Variants in MECOM observed in about 807,000 individuals in gnomAD.
The protein encoded by MECOM is MDS1 and EVI1 complex locus.
Under a neutral mutation model 116.3 loss-of-function variants are expected in MECOM, and 13 were observed. The ratio of observed to expected loss-of-function variants is 0.11; its 90% CI spans 0.07 to 0.18. MECOM has a LOEUF of 0.18. MECOM is among the 10% of genes least tolerant of loss of function. MECOM has a pLI of 1.00. For synonymous variants in MECOM, 528 were observed against 535.2 expected (o/e 0.99, Z 0.19); for missense variants, 1,299 against 1,509.0 (o/e 0.86, Z 2.31).
In MECOM at chr3:169,485,242, G is replaced by A. The variant is rs190466402; in HGVS notation, c.38-103718C>T. Among the ~76,000 whole-genome samples, 26 of 152,172 alleles carry A rather than the reference G, an allele frequency of 1.7e-4. No individual in the cohort carries two copies. The East Asian group carries it at 2.3e-3, about 14-fold the overall frequency. On this transcript the variant is annotated intron_variant, in intron 1 of 16. Transcript: ENST00000651503. ...ACTCCTGACCTCAGGTGATCTAACC[G>A]CCTCGGCCTCCCAAAGTGCTAGGAT...
chr3:169,662,748 C>A (rs1204233066), intron 1 of MECOM, among the ~76,000 whole-genome samples: 1 of 152,082 alleles, frequency 6.6e-6, no homozygotes, highest in Non-Finnish European at 1.5e-5. Flanking sequence ...GCGGCCGCCT[C>A]GCAACTTTTC....
chr3:169,401,361 A>G (rs893597211), intron 1 of MECOM, among the ~76,000 whole-genome samples: 2 of 151,584 alleles, frequency 1.3e-5, no homozygotes, highest in Non-Finnish European at 1.5e-5. Flanking sequence ...GGGCTAAGGT[A>G]AAATCATCTC....
rs1716930960 is a variant in MECOM, at chr3:169,084,015, T to G, written c.*894A>C. The G allele has an allele frequency of 4.3e-6, 1 of 230,596 alleles. No homozygotes were observed. Among genetic ancestry groups the G allele is most frequent in the Non-Finnish European group, 8.6e-6 (1 of 116,446 alleles). 14.3% of individuals were successfully genotyped at this position (230,596 alleles called of 1,614,324 possible). ...TCATACACAGGTCGGGTCACCTTGG[T>G]CCTTGAAATTCGGAAAGGGGTGTGC... is the stretch of plus-strand genomic sequence containing the variant. On this transcript the variant is annotated 3_prime_UTR_variant, in exon 17 of 17. Transcript: ENST00000651503.
intron 2 of MECOM, among the ~76,000 whole-genome samples, chr3:169,212,769 C>T (rs1206185965): frequency 6.7e-6 from 1 of 149,578 alleles, no homozygotes; most frequent in Non-Finnish European, 1.5e-5. Context: ...AATCTAATTG[C>T]TCTTACTATG....
intron 1 of MECOM, among the ~76,000 whole-genome samples, chr3:169,654,146 T>C (rs7636969): frequency 0.2 from 30,263 of 152,174 alleles, 6,118 homozygotes; most frequent in African/African-American, 0.52. Flanking sequence ...GACTACAGTA[T>C]TGAGTTAGAT....
chr3:169,313,596 G>A (rs1187549592), intron 2 of MECOM, among the ~76,000 whole-genome samples: 1 of 152,168 alleles, frequency 6.6e-6, no homozygotes, highest in Non-Finnish European at 1.5e-5. Flanking sequence ...AATAAGAGGG[G>A]ACAGATACAG....
intron 9 of MECOM, 135 bp from the exon 10 acceptor site, chr3:169,108,087 A>G (rs1726050959): frequency 3.4e-6 from 2 of 584,622 alleles, no homozygotes; most frequent in East Asian, 6.0e-5. Context: ...CTTGAGTAAA[A>G]GCTTTGGAAA....
intron 2 of MECOM, among the ~76,000 whole-genome samples, chr3:169,220,141 A>G (rs2149494291): frequency 6.6e-6 from 1 of 152,164 alleles, no homozygotes; most frequent in East Asian, 1.9e-4. Flanking sequence ...AGTCTGGGTA[A>G]TACAATGAAA....
chr3:169,473,569 G>A (rs902809376), intron 1 of MECOM, among the ~76,000 whole-genome samples: 1 of 152,146 alleles, frequency 6.6e-6, no homozygotes, highest in Admixed American at 6.5e-5. Context: ...AGGAGATCGA[G>A]ACAATCCTGG....
chr3:169,472,977 G>A, intron 1 of MECOM: 1 of 983,568 alleles, frequency 1.0e-6, no homozygotes, highest in Non-Finnish European at 1.2e-6. Context: ...TCAATATGTA[G>A]ACACCACCCA....
chr3:169,224,093 G>T (rs1226271216), intron 2 of MECOM, among the ~76,000 whole-genome samples: 1 of 152,144 alleles, frequency 6.6e-6, no homozygotes, highest in African/African-American at 2.4e-5. Context: ...TTTCATCTAG[G>T]ATATGGTGTG....
At chr3:169,550,566 C>T (rs1279855876) in intron 1 of MECOM, among the ~76,000 whole-genome samples, 2 of 152,218 alleles carry the variant, frequency 1.3e-5, no homozygotes, top group Non-Finnish European at 2.9e-5. Flanking sequence ...CATAAGAAAG[C>T]ATTACCTGCT....
chr3:169,430,792 C>T (rs1228834113), intron 1 of MECOM, among the ~76,000 whole-genome samples: 1 of 152,140 alleles, frequency 6.6e-6, no homozygotes, highest in East Asian at 1.9e-4. Flanking sequence ...GATAACAAGA[C>T]CCTTTACTGA....
chr3:169,395,756 T>G (rs922095143), intron 1 of MECOM, among the ~76,000 whole-genome samples: 22 of 152,306 alleles, frequency 1.4e-4, no homozygotes, highest in Admixed American at 6.5e-4. Context: ...TATTACCAAC[T>G]AAATTTGTTT....
intron 1 of MECOM, among the ~76,000 whole-genome samples, chr3:169,619,830 C>A (rs1770482576): frequency 6.6e-6 from 1 of 152,166 alleles, no homozygotes; most frequent in Admixed American, 6.5e-5. Context: ...AAAACTCACA[C>A]CACCCTGTAG....
intron 1 of MECOM, among the ~76,000 whole-genome samples, chr3:169,607,580 C>T (rs183506159): frequency 3.1e-4 from 47 of 152,306 alleles, no homozygotes; most frequent in African/African-American, 9.9e-4. Context: ...GAAGGACTCA[C>T]GTGGAATGAC....
chr3:169,331,269 T>A (rs2149773524), intron 2 of MECOM, among the ~76,000 whole-genome samples: 1 of 152,248 alleles, frequency 6.6e-6, no homozygotes, highest in Admixed American at 6.5e-5. Flanking sequence ...AAATATATTG[T>A]TACTTTAAGC....
Position 169,505,514 on chromosome 3 carries a change from T to A in MECOM, c.38-123990A>T, listed in dbSNP as rs79829667. ...TACCACAATCAAGCTAGTTGACATA[T>A]ATAATCACCTAACATAGTAATCTTG... On this transcript the variant is annotated intron_variant, in intron 1 of 16. Coordinates refer to ENST00000651503, the MANE Select transcript of MECOM (RefSeq NM_004991.4). Among the ~76,000 whole-genome samples, 1,262 of 152,306 alleles carry A rather than the reference T, an allele frequency of 8.3e-3. 17 individuals are homozygous for A. Among genetic ancestry groups the A allele is most frequent in the African/African-American group, 0.029 (1,210 of 41,562 alleles).
At chr3:169,259,480 C>T (rs1320653928) in intron 2 of MECOM, among the ~76,000 whole-genome samples, 1 of 152,186 alleles carries the variant, frequency 6.6e-6, no homozygotes, top group Admixed American at 6.5e-5. Context: ...GTAATTCCAG[C>T]ACTTTGGGAG....
Sources: allele counts gnomAD v4.1 joint callset (sites outside exome capture counted in the v4.1 genomes callset), GRCh38; gene constraint gnomAD v4.1.1; transcripts MANE v1.5; gene names NCBI Gene and HGNC (gene_info 2026-07-23, HGNC 2026-07-21).